The following SLC6A13 variants were observed in gnomAD, a reference collection of about 807,000 sequenced individuals.
SLC6A13 encodes solute carrier family 6 member 13.
In SLC6A13, 69 loss-of-function variants were observed where a neutral mutation model predicts 72.9. The observed-to-expected ratio is 0.95, with a 90% confidence interval of 0.78 to 1.16. The LOEUF (loss-of-function observed/expected upper bound fraction) is 1.16. Ranked by LOEUF, SLC6A13 falls within the 50% of genes most tolerant of loss-of-function variation. The pLI, the probability that SLC6A13 is intolerant of heterozygous loss-of-function variation, is 0.00. For missense variants in SLC6A13, 735 were observed against 760.5 expected, an observed-to-expected ratio of 0.97 and a Z score of 0.39; for synonymous variants, 303 against 303.0, an observed-to-expected ratio of 1.00 and a Z score of 0.00.
At chr12:255,804 G>A (rs562473693) in intron 2 of SLC6A13, among the ~76,000 whole-genome samples, 1 of 152,228 alleles carries the variant, frequency 6.6e-6, no homozygotes, top group East Asian at 1.9e-4. Context: ...TGACATACCT[G>A]ATCTGCCCCT....
intron 2 of SLC6A13, among the ~76,000 whole-genome samples, chr12:258,713 T>C (rs576642533): frequency 6.6e-6 from 1 of 151,992 alleles, no homozygotes; most frequent in Admixed American, 6.5e-5. Context: ...TGTGGGTTAG[T>C]GGTTGCAAAA....
In SLC6A13 at chr12:226,346, T is replaced by G. The variant is rs201039671; in HGVS notation, c.1060+44A>C. The G allele has an allele frequency of 1.1e-5, 17 of 1,611,836 alleles. No individual in the cohort carries two copies. The East Asian group carries it at 2.0e-4, about 19-fold the overall frequency. On this transcript the variant is annotated intron_variant, in intron 9 of 14. Transcript: ENST00000343164. Reference sequence around the variant, plus strand: ...CCTCTAGACGCTTGCTGCCAGAGGTTTGAACCAGGCTCACTGCCTCCAGGC... The same window carrying G: ...CCTCTAGACGCTTGCTGCCAGAGGTGTGAACCAGGCTCACTGCCTCCAGGC...
chr12:244,966 C>T lies in SLC6A13; in HGVS notation c.203-1153G>A, dbSNP rs148624399. 1.4e-4 allele frequency among the ~76,000 whole-genome samples: 22 copies of T among 152,136 alleles called. No individual in the cohort carries two copies. The East Asian group carries it at 4.3e-3, about 29-fold the overall frequency. On this transcript the variant is annotated intron_variant, in intron 2 of 14. Coordinates refer to ENST00000343164, the MANE Select transcript of SLC6A13 (RefSeq NM_016615.5). ...ATTGGCGGAGACAAGACTACTGATG[C>T]CAGATATACTGGTATTTTCCCTACC...
chr12:224,213 T>C (rs1451689494), intron 10 of SLC6A13, 84 bp from the exon 11 acceptor site: 13 of 1,562,302 alleles, frequency 8.3e-6, no homozygotes, highest in Non-Finnish European at 1.1e-5. Context: ...GCTCCCAGGA[T>C]CAGCCCTGCC....
At chr12:221,202 T>TC (rs1039418131) in intron 14 of SLC6A13, 132 bp from the exon 15 acceptor site, 7 of 1,339,470 alleles carry the variant, frequency 5.2e-6, no homozygotes, top group Non-Finnish European at 6.9e-6. Context: ...TGTCTGGGAG[T>TC]CCCCCTGTGT....
intron 7 of SLC6A13, among the ~76,000 whole-genome samples, chr12:229,724 C>G (rs187442096): frequency 6.6e-6 from 1 of 152,198 alleles, no homozygotes; most frequent in African/African-American, 2.4e-5. Context: ...CCAGGCCTGA[C>G]GGTGCGCTGG....
At chr12:259,768 T>C (rs1245080943) in intron 2 of SLC6A13, 83 bp downstream of exon 2, 4 of 1,613,850 alleles carry the variant, frequency 2.5e-6, no homozygotes, top group Non-Finnish European at 8.5e-7. Flanking sequence ...TCTATGGGAC[T>C]CCCCAGAGGG....
chr12:237,733 C>A (rs1347246136), intron 5 of SLC6A13, among the ~76,000 whole-genome samples, 193 bp downstream of exon 5: 1 of 152,138 alleles, frequency 6.6e-6, no homozygotes, highest in Non-Finnish European at 1.5e-5. Context: ...CAGGCACAGC[C>A]CCAGGAGAAC....
chr12:228,889 G>A (rs1941588528), intron 7 of SLC6A13, among the ~76,000 whole-genome samples: 1 of 152,158 alleles, frequency 6.6e-6, no homozygotes, highest in South Asian at 2.1e-4. Context: ...AGCTTCCTGG[G>A]TGATCCTAAT....
At chr12:234,603 C>T (rs1399663811) in intron 7 of SLC6A13, among the ~76,000 whole-genome samples, 4 of 152,126 alleles carry the variant, frequency 2.6e-5, no homozygotes, top group Non-Finnish European at 4.4e-5. Flanking sequence ...CTGCAACCTT[C>T]GCCTCCTGGG....
intron 7 of SLC6A13, among the ~76,000 whole-genome samples, chr12:234,596 C>T (rs778096077): frequency 6.6e-6 from 1 of 152,280 alleles, no homozygotes. Context: ...CAGCTCACTG[C>T]AACCTTCGCC....
At chr12:224,204 C>T in intron 10 of SLC6A13, 75 bp from the exon 11 acceptor site, 1 of 1,577,264 alleles carries the variant, frequency 6.3e-7, no homozygotes. Context: ...TGGCTTCTCG[C>T]TCCCAGGATC....
At chr12:235,639 G>C (rs1043288790) in intron 6 of SLC6A13, among the ~76,000 whole-genome samples, 1 of 152,040 alleles carries the variant, frequency 6.6e-6, no homozygotes. Context: ...TGAAATCAGT[G>C]CACCTTGAAA....
At position 221,523 on chromosome 12, in the gene SLC6A13, T is replaced by C. The variant is rs1464742838; in HGVS notation, c.1539A>G (p.Ile513Met). ...VCTATFLFSLIKYTPLTYNKK... is the reference protein window; with the variant it reads ...VCTATFLFSLMKYTPLTYNKK... ...TGTTGTAGGTCAGCGGAGTGTACTT[T>C]ATCAGGGAGAAGAGAAAGGTGGCCT... The change falls in exon 14 of 15, where the codon ATA (isoleucine) becomes ATG (methionine). Residue 513 changes from isoleucine (I) to methionine (M), a missense_variant. Ile to Met is a conservative substitution (Grantham distance 10, BLOSUM62 1). Coordinates refer to ENST00000343164, the MANE Select transcript of SLC6A13 (RefSeq NM_016615.5). 1.9e-6 allele frequency: 3 copies of C among 1,602,562 alleles called. No individual in the cohort carries two copies. The highest frequency in any genetic ancestry group is 2.6e-6 in the Non-Finnish European group (3 of 1,173,946).
At chr12:257,634 C>T (rs1942789079) in intron 2 of SLC6A13, among the ~76,000 whole-genome samples, 1 of 152,126 alleles carries the variant, frequency 6.6e-6, no homozygotes, top group Admixed American at 6.5e-5. Flanking sequence ...ACGTGAATGA[C>T]CAAGGGCTGT....
chr12:226,378 A>G lies in SLC6A13; in HGVS notation c.1060+12T>C, dbSNP rs775081621. ...AGGCTCACTGCCTCCAGGCCTCCCC[A>G]GTAACACTCACCTGACTCGGCCACC... On this transcript the variant is annotated intron_variant, in intron 9 of 14. Coordinates refer to ENST00000343164, the MANE Select transcript of SLC6A13 (RefSeq NM_016615.5). The G allele has an allele frequency of 4.3e-6, 7 of 1,613,478 alleles. No homozygotes were observed. The African/African-American group carries it at 8.0e-5, about 18-fold the overall frequency.
At position 222,550 on chromosome 12, in the gene SLC6A13, G is replaced by A. The variant is rs1035491374; in HGVS notation, c.1497C>T (p.Leu499=). 1 of 1,606,324 alleles carries A rather than the reference G, an allele frequency of 6.2e-7. No individual in the cohort carries two copies. The highest frequency in any genetic ancestry group is 8.5e-7 in the Non-Finnish European group (1 of 1,174,662). ...WPLIKYCWLF[L]TPAVCTATFL... is the part of the protein sequence containing the mutation. Reference sequence around the variant, plus strand: ...ATCTTACTGTGCACACAGCTGGTGTGAGGAAGAGCCAACAGTATTTGATAA... The same window carrying A: ...ATCTTACTGTGCACACAGCTGGTGTAAGGAAGAGCCAACAGTATTTGATAA... The change falls in exon 13 of 15, where the codon CTC becomes CTT. Residue 499 remains leucine (L), a synonymous_variant. Coordinates refer to ENST00000343164, the MANE Select transcript of SLC6A13 (RefSeq NM_016615.5).
chr12:252,442 T>C (rs1942586487), intron 2 of SLC6A13, among the ~76,000 whole-genome samples: 1 of 152,248 alleles, frequency 6.6e-6, no homozygotes, highest in East Asian at 1.9e-4. Context: ...CATGCGTATA[T>C]ACATATGTCA....
At chr12:259,639 G>C in intron 2 of SLC6A13, 1 of 1,428,034 alleles carries the variant, frequency 7.0e-7, no homozygotes, top group East Asian at 2.5e-5. Flanking sequence ...ATATTTCTAC[G>C]ATGCCACGTT....
Sources: gnomAD v4.1 joint callset for allele counts (sites outside exome capture counted in the v4.1 genomes callset) on GRCh38, gnomAD v4.1.1 for gene constraint, MANE v1.5 for transcripts, NCBI Gene and HGNC (gene_info 2026-07-23, HGNC 2026-07-21) for gene names.